Variants in MAP3K13 observed in about 807,000 individuals in gnomAD.
MAP3K13 encodes the protein mitogen-activated protein kinase kinase kinase 13, also known as leucine zipper-bearing kinase.
In MAP3K13, 52 loss-of-function variants were observed where a neutral mutation model predicts 104.0. That is an observed-to-expected ratio of 0.50 (90% CI 0.40 to 0.63). The LOEUF is 0.63. Ranked by LOEUF, MAP3K13 falls within the 20% of genes least tolerant of loss-of-function variation. The pLI is 0.00. For missense variants in MAP3K13, 914 were observed against 1,218.5 expected (o/e 0.75, Z 3.72); for synonymous variants, 394 against 442.2 (o/e 0.89, Z 1.37).
At chr3:185,353,274 G>A (rs1022552143) in intron 2 of MAP3K13, among the ~76,000 whole-genome samples, 1 of 152,204 alleles carries the variant, frequency 6.6e-6, no homozygotes, top group African/African-American at 2.4e-5. Flanking sequence ...GCAGCCCCCA[G>A]AATCACAGCA....
At chr3:185,292,285 A>G (rs983703748) in intron 2 of MAP3K13, 1 of 152,426 alleles carries the variant, frequency 6.6e-6, no homozygotes, top group Non-Finnish European at 1.5e-5. Flanking sequence ...AGCCTGGGTG[A>G]CAGAGCGAGA....
chr3:185,291,757 A>G, intron 2 of MAP3K13: 7 of 1,483,522 alleles, frequency 4.7e-6, no homozygotes, highest in Non-Finnish European at 6.2e-6. Context: ...ACCCTCTCAC[A>G]AAAGTACAAG....
At chr3:185,391,487 T>C (rs1712050078) in intron 1 of MAP3K13, among the ~76,000 whole-genome samples, 1 of 152,210 alleles carries the variant, frequency 6.6e-6, no homozygotes, top group Non-Finnish European at 1.5e-5. Flanking sequence ...TAAATAAATA[T>C]CAGTTAATTT....
At chr3:185,447,492 C>A (rs886189074) in intron 4 of MAP3K13, among the ~76,000 whole-genome samples, 1 of 67,930 alleles carries the variant, frequency 1.5e-5, no homozygotes, top group Non-Finnish European at 2.5e-5. Flanking sequence ...GAAACTCTGT[C>A]TCAAAAAAAA....
At chr3:185,367,225 CT>C (rs1723931064) in intron 1 of MAP3K13, among the ~76,000 whole-genome samples, 1 of 152,038 alleles carries the variant, frequency 6.6e-6, no homozygotes, top group African/African-American at 2.4e-5. Context: ...TACCAGGGAA[CT>C]TAAAAAAAAT....
chr3:185,449,408 CTAGA>C (rs1183859332), intron 5 of MAP3K13, among the ~76,000 whole-genome samples: 3 of 149,946 alleles, frequency 2.0e-5, no homozygotes, highest in Admixed American at 1.3e-4. Flanking sequence ...TTTAACACTC[CTAGA>C]TAATTTTTTA....
At chr3:185,288,920 A>C (rs774209394) in intron 2 of MAP3K13, among the ~76,000 whole-genome samples, 1 of 152,190 alleles carries the variant, frequency 6.6e-6, no homozygotes, top group African/African-American at 2.4e-5. Flanking sequence ...TATGATCAAG[A>C]TTAACCAAGA....
intron 2 of MAP3K13, among the ~76,000 whole-genome samples, chr3:185,313,914 A>C (rs560143597): frequency 6.6e-6 from 1 of 152,338 alleles, no homozygotes; most frequent in South Asian, 2.1e-4. Context: ...CTGATGGGGA[A>C]TGCTGCTCTG....
At chr3:185,449,371 T>TA (rs61621090) in intron 5 of MAP3K13, among the ~76,000 whole-genome samples, 16,647 of 80,164 alleles carry the variant, frequency 0.21, 1,630 homozygotes, top group East Asian at 0.47. Context: ...AGATGCTGTC[T>TA]AAAAAAAAAA....
In MAP3K13 at chr3:185,455,869, TATAGATGAG is replaced by T. The variant is rs1459331799; in HGVS notation, c.1278+4478_1278+4486del. 3.9e-3 allele frequency among the ~76,000 whole-genome samples: 216 copies of T among 54,868 alleles called. 13 individuals carry two copies. The highest frequency in any genetic ancestry group is 0.013 in the East Asian group (32 of 2,538). 36.0% of individuals were successfully genotyped at this position (54,868 alleles called of 152,430 possible). ...AGATATATATGAGATATATATGAGA[TATAGATGAG>T]ATATATGATATAGATGAGATATATA... is the stretch of plus-strand genomic sequence containing the variant. On this transcript the variant is annotated intron_variant, in intron 7 of 13. Transcript: ENST00000265026.
chr3:185,359,551 A>C (rs921663911), upstream of MAP3K13, among the ~76,000 whole-genome samples: 2 of 152,212 alleles, frequency 1.3e-5, no homozygotes, highest in Non-Finnish European at 1.5e-5. Flanking sequence ...ACCAGCTACC[A>C]GTATCATTTA....
chr3:185,350,519 T>C (rs1723102236), intron 2 of MAP3K13, among the ~76,000 whole-genome samples: 1 of 152,000 alleles, frequency 6.6e-6, no homozygotes. Flanking sequence ...TTGTCACTTA[T>C]ATCTTGTTGG....
At chr3:185,447,671 C>G in intron 4 of MAP3K13, 118 bp from the exon 5 acceptor site, 1 of 742,088 alleles carries the variant, frequency 1.3e-6, no homozygotes, top group Non-Finnish European at 2.2e-6. Flanking sequence ...TTGGAAACTG[C>G]AAGCTGAATG....
intron 2 of MAP3K13, among the ~76,000 whole-genome samples, chr3:185,316,616 G>C (rs1721683790): frequency 6.6e-6 from 1 of 152,280 alleles, no homozygotes. Context: ...ACTCCAGCCT[G>C]GGTGACAGAC....
rs1277178406 is a variant in MAP3K13 at position 185,315,782 on chromosome 3, G to C, written c.-86+30139G>C. On this transcript the variant is annotated intron_variant, in intron 2 of 14. Transcript: ENST00000424227. This position sits in a 1 kb window ranked among gnomAD's most constrained non-coding sequence, Gnocchi z 4.3. ...CTAGAAATATCTCACAGGGTTGTGA[G>C]GATTAAATTATCAAGTGTTCAGAAC... is the stretch of plus-strand genomic sequence containing the variant. Among the ~76,000 whole-genome samples the C allele has an allele frequency of 6.6e-6, 1 of 152,014 alleles. No individual in the cohort carries two copies. The highest frequency in any genetic ancestry group is 2.4e-5 in the African/African-American group (1 of 41,372).
intron 2 of MAP3K13, among the ~76,000 whole-genome samples, chr3:185,304,281 T>C (rs1348999086): frequency 1.3e-5 from 2 of 152,188 alleles, no homozygotes; most frequent in Non-Finnish European, 2.9e-5. Flanking sequence ...GAGAAGAATA[T>C]GTGTTCTGCT....
At chr3:185,326,463 G>T (rs935771577) in intron 2 of MAP3K13, among the ~76,000 whole-genome samples, 1 of 152,066 alleles carries the variant, frequency 6.6e-6, no homozygotes, top group African/African-American at 2.4e-5. Flanking sequence ...CCACAAGAAA[G>T]CCCGTCCTTA....
Position 185,488,586 on chromosome 3 carries a change from T to C in MAP3K13, c.*6130T>C, listed in dbSNP as rs1174670716. ...TTCACAGAGCAGAGCCCTAAGCAGA[T>C]GGCAAGGCCACTGTAAGGAAGCTCC... On this transcript the variant is annotated 3_prime_UTR_variant, in exon 14 of 14. Coordinates refer to ENST00000265026, the MANE Select transcript of MAP3K13 (RefSeq NM_004721.5). 6.6e-6 allele frequency: 1 copy of C among 152,274 alleles called. No individual in the cohort carries two copies. The highest frequency in any genetic ancestry group is 1.5e-5 in the Non-Finnish European group (1 of 68,076). 9.4% of individuals were successfully genotyped at this position (152,274 alleles called of 1,614,324 possible).
intron 2 of MAP3K13, among the ~76,000 whole-genome samples, chr3:185,286,550 G>T (rs1720518764): frequency 6.6e-6 from 1 of 151,822 alleles, no homozygotes; most frequent in African/African-American, 2.4e-5. Context: ...CAGAGGTCTA[G>T]TTAAATGACT....
Sources: gnomAD v4.1 joint callset for allele counts (sites outside exome capture counted in the v4.1 genomes callset) on GRCh38, gnomAD v4.1.1 for gene constraint, Gnocchi (gnomAD v3.1) non-coding constraint, MANE v1.5 for transcripts, NCBI Gene and HGNC (gene_info 2026-07-23, HGNC 2026-07-21) for gene names.